NSD3: variants seen among roughly 807,000 people sequenced by gnomAD.
NSD3 encodes histone-lysine N-methyltransferase NSD3.
NSD3 carries 24 observed loss-of-function variants against 160.8 expected under a neutral mutation model. The ratio of observed to expected loss-of-function variants is 0.15; its 90% CI spans 0.11 to 0.21. The LOEUF (loss-of-function observed/expected upper bound fraction) is 0.21, where lower values mean the gene tolerates loss of function less well. NSD3 is among the 10% of genes least tolerant of loss of function. The pLI, the probability that NSD3 is intolerant of heterozygous loss-of-function variation, is 1.00. For missense variants in NSD3, 1,157 were observed against 1,735.9 expected (o/e 0.67, Z 5.93); for synonymous variants, 520 against 600.0 (o/e 0.87, Z 1.95).
rs767672473 is a variant in NSD3 at position 38,329,717 on chromosome 8, G to T, written c.1242C>A (p.Thr414=). Residue 414 remains threonine, a synonymous_variant, in exon 6 of 24, where the codon ACC becomes ACA. Transcript: ENST00000317025. The surrounding 1 kb of genome is among the most constrained non-coding windows in gnomAD (Gnocchi z 4.8). ...TTGGTCGTCGGGTTTTTTTAACTTC[G>T]GTTTTGGAGGCAACACTCTTTTTTG... ...SQAKKSVASK[T]EVKKTRRPRS... 5.0e-6 allele frequency: 8 copies of T among 1,614,086 alleles called. No homozygotes were observed. The South Asian group carries it at 7.7e-5, about 16-fold the overall frequency.
At chr8:38,337,488 A>C (rs1223762168) in intron 3 of NSD3, 21 bp from the exon 4 acceptor site, 1 of 1,529,570 alleles carries the variant, frequency 6.5e-7, no homozygotes. Context: ...GGGTCAAAAA[A>C]CTTCATCAGA....
rs374656504 is a variant in NSD3, at chr8:38,366,418, C to CTT, written c.-45+15379_-45+15380dup. On this transcript the variant is annotated intron_variant, in intron 1 of 23. Coordinates refer to ENST00000317025, the MANE Select transcript of NSD3 (RefSeq NM_023034.2). ...CAATTATGTTCACATCTACTTAATT[C>CTT]TTTTTTTTTTTTTTTTGAGATAGAG... is the stretch of plus-strand genomic sequence containing the variant. Among the ~76,000 whole-genome samples the CTT allele has an allele frequency of 8.6e-4, 114 of 132,172 alleles. 1 individual carries two copies. Among genetic ancestry groups the CTT allele is most frequent in the Middle Eastern group, 4.0e-3 (1 of 250 alleles). The allele number at this position is 132,172 out of a possible 152,430, so 86.7% of individuals were successfully genotyped here.
At chr8:38,302,684 A>C (rs1035039839) in intron 14 of NSD3, among the ~76,000 whole-genome samples, 6 of 152,184 alleles carry the variant, frequency 3.9e-5, no homozygotes, top group African/African-American at 7.2e-5. Context: ...CTAAATTGAA[A>C]ATACTATATT....
chr8:38,288,822 C>A lies in NSD3; in HGVS notation c.3232-66G>T. Reference sequence around the variant, plus strand: ...AGTCATCTGGCAATGTGAACAGGAACATCTAAAACATCCACGCTACTGCCT... The same window carrying A: ...AGTCATCTGGCAATGTGAACAGGAAAATCTAAAACATCCACGCTACTGCCT... On this transcript the variant is annotated intron_variant, in intron 18 of 23. Transcript: ENST00000317025. The surrounding 1 kb of genome is among the most constrained non-coding windows in gnomAD (Gnocchi z 4.5). The A allele has an allele frequency of 1.9e-6, 3 of 1,570,940 alleles. No homozygotes were observed. The highest frequency in any genetic ancestry group is 2.6e-6 in the Non-Finnish European group (3 of 1,154,946).
chr8:38,312,737 G>A (rs753330844), intron 12 of NSD3, among the ~76,000 whole-genome samples: 2 of 152,118 alleles, frequency 1.3e-5, no homozygotes, highest in African/African-American at 2.4e-5. Context: ...TGCCATGATT[G>A]TAAGTTTCCT....
chr8:38,292,557 T>C (rs183416527), intron 16 of NSD3, among the ~76,000 whole-genome samples: 2 of 150,172 alleles, frequency 1.3e-5, no homozygotes, highest in South Asian at 2.1e-4. Context: ...CCAAGGCGGG[T>C]GTATCACGAG....
In NSD3 at chr8:38,333,845, G is replaced by A. The variant is rs563111984; in HGVS notation, c.911-2260C>T. The stretch of plus-strand genomic sequence containing the variant: ...TTGCGCCACTGCAGTCCGCAGTCCG[G>A]CCTGGGCGACAGAGCGAGACTCCGT... On this transcript the variant is annotated intron_variant, in intron 4 of 23. Coordinates refer to ENST00000317025, the MANE Select transcript of NSD3 (RefSeq NM_023034.2). Among the ~76,000 whole-genome samples, 32 of 152,084 alleles carry A rather than the reference G, an allele frequency of 2.1e-4. No individual in the cohort carries two copies. In the South Asian group the frequency reaches 6.0e-3, roughly 29 times the overall value.
In NSD3 at chr8:38,271,538, T is replaced by C. The variant is rs1345280904; in HGVS notation, c.*4103A>G. The stretch of plus-strand genomic sequence containing the variant: ...TTAATTCATTGCAAAGCTGTCTAAT[T>C]ATAGTATTCCCTAGTCCATCTGAAA... On this transcript the variant is annotated 3_prime_UTR_variant, in exon 24 of 24. Transcript: ENST00000317025. 6.6e-6 allele frequency: 1 copy of C among 152,182 alleles called. No homozygotes were observed. Among genetic ancestry groups the C allele is most frequent in the African/African-American group, 2.4e-5 (1 of 41,434 alleles). The allele number at this position is 152,182 out of a possible 1,614,324, so 9.4% of individuals were successfully genotyped here. A position where few individuals can be genotyped will look rare whatever the true frequency, so the allele number is the denominator to read the frequency against.
chr8:38,346,597 A>G (rs1292202981), intron 2 of NSD3, among the ~76,000 whole-genome samples: 1 of 152,014 alleles, frequency 6.6e-6, no homozygotes, highest in East Asian at 1.9e-4. Flanking sequence ...AGAAAACTAT[A>G]AAAAGTGAGA....
chr8:38,282,283 C>T (rs1447918677), intron 19 of NSD3, among the ~76,000 whole-genome samples: 5 of 152,204 alleles, frequency 3.3e-5, no homozygotes, highest in Non-Finnish European at 7.3e-5. Context: ...CCTTGTGATA[C>T]TCACTCCTTT....
At chr8:38,304,555 A>C in intron 14 of NSD3, 32 bp downstream of exon 14, 1 of 1,589,010 alleles carries the variant, frequency 6.3e-7, no homozygotes, top group Non-Finnish European at 8.5e-7. Flanking sequence ...AATGACCTCA[A>C]AAATAAATGA....
chr8:38,373,049 C>CAA (rs11308161), intron 1 of NSD3, among the ~76,000 whole-genome samples: 3 of 107,168 alleles, frequency 2.8e-5, no homozygotes, highest in Non-Finnish European at 5.8e-5. Context: ...AGACTCCTCT[C>CAA]AAAAAAAAAA....
chr8:38,381,746 GCACACACACA>G (rs58263746), intron 1 of NSD3, 43 bp downstream of exon 1: 28,774 of 144,780 alleles, frequency 0.2, 3,081 homozygotes, highest in East Asian at 0.31. Flanking sequence ...GCGCGCGCGC[GCACACACACA>G]CACACACACA....
rs992368291 is a variant in NSD3, at chr8:38,381,987, G to C, written c.-233C>G. ...GCCGGACGCCTCTGCCATGGCGGCC[G>C]GCACTGAGGAGGGCCACGGCCGGGC... On this transcript the variant is annotated 5_prime_UTR_variant, in exon 1 of 24. Coordinates refer to ENST00000317025, the MANE Select transcript of NSD3 (RefSeq NM_023034.2). The C allele has an allele frequency of 3.3e-5, 5 of 152,710 alleles. No individual in the cohort carries two copies. Among genetic ancestry groups the C allele is most frequent in the African/African-American group, 1.2e-4 (5 of 41,536 alleles). The allele number at this position is 152,710 out of a possible 1,614,324, so 9.5% of individuals were successfully genotyped here.
At position 38,337,293 on chromosome 8, in the gene NSD3, G is replaced by T; in HGVS notation, c.910+12C>A. Reference sequence around the variant, plus strand: ...AACCTTTTACTTAGTATCTGTTTATGCCTTTTCTTACCTCTTGTGTTAATT... The same window carrying T: ...AACCTTTTACTTAGTATCTGTTTATTCCTTTTCTTACCTCTTGTGTTAATT... On this transcript the variant is annotated intron_variant, in intron 4 of 23. Coordinates refer to ENST00000317025, the MANE Select transcript of NSD3 (RefSeq NM_023034.2). 2 of 1,589,616 alleles carry T rather than the reference G, an allele frequency of 1.3e-6. No individual in the cohort carries two copies. The highest frequency in any genetic ancestry group is 1.7e-6 in the Non-Finnish European group (2 of 1,171,414).
Position 38,318,023 on chromosome 8 carries a change from C to T in NSD3, c.1855+872G>A. 1.2e-6 allele frequency: 2 copies of T among 1,614,112 alleles called. No individual in the cohort carries two copies. The highest frequency in any genetic ancestry group is 1.1e-5 in the South Asian group (1 of 91,078). Reference sequence around the variant, plus strand: ...ACTGAATCTGACAGAGCCCTGCACTCCCCGGTCCGCCGACCCTGTGGAATG... The same window carrying T: ...ACTGAATCTGACAGAGCCCTGCACTTCCCGGTCCGCCGACCCTGTGGAATG... On this transcript the variant is annotated intron_variant, in intron 9 of 23. Coordinates refer to ENST00000317025, the MANE Select transcript of NSD3 (RefSeq NM_023034.2). The surrounding 1 kb of genome is among the most constrained non-coding windows in gnomAD (Gnocchi z 5.3).
At chr8:38,326,634 A>T in intron 7 of NSD3, 96 bp downstream of exon 7, 1 of 1,296,758 alleles carries the variant, frequency 7.7e-7, no homozygotes, top group Admixed American at 2.9e-5. Flanking sequence ...ACTTTTGATA[A>T]CTAAGAGTTT....
intron 16 of NSD3, among the ~76,000 whole-genome samples, chr8:38,294,458 A>C (rs1207323127): frequency 1.3e-5 from 2 of 152,192 alleles, no homozygotes; most frequent in Non-Finnish European, 2.9e-5. Flanking sequence ...TAAAGGAGAA[A>C]GTACTATTAA....
intron 19 of NSD3, among the ~76,000 whole-genome samples, chr8:38,287,655 ATT>A (rs555434093): frequency 2.8e-5 from 4 of 141,108 alleles, no homozygotes; most frequent in Non-Finnish European, 4.7e-5. Context: ...TACAAACCTG[ATT>A]TTTTTTTTTT....
Sources: allele counts gnomAD v4.1 joint callset (sites outside exome capture counted in the v4.1 genomes callset), GRCh38; gene constraint gnomAD v4.1.1; non-coding constraint Gnocchi (gnomAD v3.1); transcripts MANE v1.5; gene names NCBI Gene and HGNC (gene_info 2026-07-23, HGNC 2026-07-21).